The following POMT1 variants were observed in gnomAD, a reference collection of about 807,000 sequenced individuals.
POMT1 encodes the protein protein O-mannosyltransferase 1, also known as protein O-mannosyl-transferase 1.
POMT1 carries 85 observed loss-of-function variants against 101.6 expected under a neutral mutation model. That is an observed-to-expected ratio of 0.84 (90% CI 0.70 to 1.00). POMT1 has a LOEUF of 1.00. Ranked by LOEUF, POMT1 falls within the 50% of genes least tolerant of loss-of-function variation. The pLI, the probability that POMT1 is intolerant of heterozygous loss-of-function variation, is 0.00. For missense variants in POMT1, 857 were observed against 930.4 expected, an observed-to-expected ratio of 0.92 and a Z score of 1.03; for synonymous variants, 371 against 383.0, an observed-to-expected ratio of 0.97 and a Z score of 0.37.
At chr9:131,514,414 C>T (rs1376630441) in intron 12 of POMT1, among the ~76,000 whole-genome samples, 1 of 152,272 alleles carries the variant, frequency 6.6e-6, no homozygotes, top group Non-Finnish European at 1.5e-5. Flanking sequence ...TTGGCTCCCC[C>T]ATGGCCCCTC....
chr9:131,504,328 C>T lies in POMT1; in HGVS notation c.110C>T (p.Pro37Leu), dbSNP rs774268128. Residue 37 changes from proline to leucine, a missense_variant, in exon 2 of 20, where the codon CCG (proline) becomes CTG (leucine). Pro to Leu is a moderately conservative substitution (Grantham distance 98). Transcript: ENST00000402686. Reference protein sequence around the residue: ...LLSRLWRLTYPRAVVFDEVYY... With the variant: ...LLSRLWRLTYLRAVVFDEVYY... The stretch of plus-strand genomic sequence containing the variant: ...AGCCGGCTGTGGCGACTCACCTACC[C>T]GCGGGCTGTGGTGTAAGCTAAATGA... The T allele has an allele frequency of 8.7e-6, 14 of 1,614,208 alleles. No individual in the cohort carries two copies. The highest frequency in any genetic ancestry group is 1.0e-5 in the Non-Finnish European group (12 of 1,180,046).
rs1449103987 is a variant in POMT1, at chr9:131,507,382, G to A, written c.295G>A (p.Val99Met). The A allele has an allele frequency of 1.9e-6, 3 of 1,614,212 alleles. No individual in the cohort carries two copies. The highest frequency in any genetic ancestry group is 1.7e-5 in the Admixed American group (1 of 60,030). Residue 99 changes from valine to methionine, a missense_variant, in exon 5 of 20, where the codon GTG becomes ATG. Transcript: ENST00000402686. ...TGCTTTTCCAGAATACAGTAGCAAC[G>A]TGCCTGTGTGGTCCCTGCGCCTGCT... is the stretch of plus-strand genomic sequence containing the variant. ...NRIGAEYSSN[V>M]PVWSLRLLPA...
chr9:131,518,668 T>C (rs960436271), intron 14 of POMT1, 131 bp downstream of exon 14: 18 of 1,399,048 alleles, frequency 1.3e-5, no homozygotes, highest in Non-Finnish European at 1.7e-5. Flanking sequence ...CCTCTTACAC[T>C]GAGGGAGGGC....
intron 2 of POMT1, 60 bp from the exon 3 acceptor site, chr9:131,506,053 GT>G: frequency 6.2e-7 from 1 of 1,604,374 alleles, no homozygotes; most frequent in Non-Finnish European, 8.5e-7. Flanking sequence ...TATCCTCACA[GT>G]TTTTGTTTAC....
intron 12 of POMT1, among the ~76,000 whole-genome samples, chr9:131,514,731 A>G (rs1014945401): frequency 6.6e-6 from 1 of 152,172 alleles, no homozygotes; most frequent in African/African-American, 2.4e-5. Flanking sequence ...CAAGGTGGGC[A>G]GATCATTTGA....
intron 10 of POMT1, 92 bp from the exon 11 acceptor site, chr9:131,511,949 A>G (rs1947206603): frequency 1.5e-6 from 2 of 1,332,866 alleles, no homozygotes; most frequent in African/African-American, 1.4e-5. Flanking sequence ...GGGCTCAAGC[A>G]GTTATCCTAC....
intron 11 of POMT1, among the ~76,000 whole-genome samples, chr9:131,512,535 C>G (rs1036849501): frequency 2.6e-5 from 4 of 152,210 alleles, no homozygotes; most frequent in African/African-American, 7.2e-5. Flanking sequence ...GTCCCGGTCA[C>G]TGTCTCCTGA....
chr9:131,503,647 C>G lies in POMT1; in HGVS notation c.-30-542C>G, dbSNP rs1945078823. 6.6e-6 allele frequency among the ~76,000 whole-genome samples: 1 copy of G among 152,162 alleles called. No homozygotes were observed. Among genetic ancestry groups the G allele is most frequent in the African/African-American group, 2.4e-5 (1 of 41,448 alleles). Reference sequence around the variant, plus strand: ...AAGCCTGGAGGAGAACGTGGGGGCGCAGGGTGCAAATGCACCCTCCAGGCG... The same window carrying G: ...AAGCCTGGAGGAGAACGTGGGGGCGGAGGGTGCAAATGCACCCTCCAGGCG... On this transcript the variant is annotated intron_variant, in intron 1 of 19. Coordinates refer to ENST00000402686, the MANE Select transcript of POMT1 (RefSeq NM_001077365.2). This position sits in a 1 kb window ranked among gnomAD's most constrained non-coding sequence, Gnocchi z 4.4.
At chr9:131,510,979 TGCTG>T in intron 9 of POMT1, 1 of 271,186 alleles carries the variant, frequency 3.7e-6, no homozygotes, top group South Asian at 4.6e-5. Flanking sequence ...CGACGGCCAG[TGCTG>T]TAGTGCTGTG....
intron 11 of POMT1, among the ~76,000 whole-genome samples, chr9:131,512,417 C>G (rs971636225): frequency 6.6e-6 from 1 of 152,130 alleles, no homozygotes; most frequent in Non-Finnish European, 1.5e-5. Context: ...AAGAACCCCC[C>G]TCCTGCAAAA....
Position 131,518,519 on chromosome 9 carries a change from C to A in POMT1, c.1347C>A (p.Asn449Lys), listed in dbSNP as rs1230206806. The A allele has an allele frequency of 6.2e-7, 1 of 1,613,670 alleles. No individual in the cohort carries two copies. The highest frequency in any genetic ancestry group is 1.1e-5 in the South Asian group (1 of 91,080). ...ILSEVRFVHVNTSAVLKLSGA... is the reference protein window; with the variant it reads ...ILSEVRFVHVKTSAVLKLSGA... ...CAGAGGTCCGCTTTGTGCACGTGAA[C>A]ACTTCCGCTGTCTTAAAGGTAAGGA... The change falls in exon 14 of 20, where the codon AAC becomes AAA. Residue 449 changes from asparagine (N) to lysine (K), a missense_variant. Physicochemically the swap from Asn to Lys is moderately conservative, Grantham distance 94 (BLOSUM62 0). Coordinates refer to ENST00000402686, the MANE Select transcript of POMT1 (RefSeq NM_001077365.2).
chr9:131,508,948 G>A lies in POMT1; in HGVS notation c.465G>A (p.Leu155=). The change falls in exon 6 of 20, where the codon TTG becomes TTA. Residue 155 remains leucine, a synonymous_variant. Transcript: ENST00000402686. The part of the protein sequence containing the change: ...ALITQSRLML[L]ESVLIFFNLL... Reference sequence around the variant, plus strand: ...TCACTCAGTCAAGGCTAATGCTTTTGGAATCAGTGTTAATATTTTTCAATC... The same window carrying A: ...TCACTCAGTCAAGGCTAATGCTTTTAGAATCAGTGTTAATATTTTTCAATC... 1 of 1,613,956 alleles carries A rather than the reference G, an allele frequency of 6.2e-7. No individual in the cohort carries two copies. The highest frequency in any genetic ancestry group is 1.1e-5 in the South Asian group (1 of 91,078).
chr9:131,508,765 T>C (rs1294284708), intron 5 of POMT1, 146 bp from the exon 6 acceptor site: 3 of 679,284 alleles, frequency 4.4e-6, no homozygotes, highest in Non-Finnish European at 8.0e-6. Flanking sequence ...TATGAGGCCT[T>C]GTGTCTATAG....
In POMT1 at chr9:131,522,357, G is replaced by A; in HGVS notation, c.2003+133G>A. On this transcript the variant is annotated intron_variant, in intron 19 of 19. Transcript: ENST00000402686. This position sits in a 1 kb window ranked among gnomAD's most constrained non-coding sequence, Gnocchi z 5.5. The stretch of plus-strand genomic sequence containing the variant: ...CACTGACATCCTCCGGGTCCCTCCG[G>A]GGAATGGGTGAGGTTCAGAAGAGAT... 4 of 1,500,434 alleles carry A rather than the reference G, an allele frequency of 2.7e-6. No homozygotes were observed. Among genetic ancestry groups the A allele is most frequent in the Non-Finnish European group, 3.6e-6 (4 of 1,122,682 alleles). The allele number at this position is 1,500,434 out of a possible 1,614,324, so 92.9% of individuals were successfully genotyped here.
rs58441454 is a variant in POMT1 at position 131,504,837 on chromosome 9, G to A, written c.122+497G>A. 3.8e-3 allele frequency among the ~76,000 whole-genome samples: 577 copies of A among 150,854 alleles called. 3 individuals carry two copies. Among genetic ancestry groups the A allele is most frequent in the African/African-American group, 0.013 (550 of 41,066 alleles). ...TGTGTCGCCCAGGTTGGAGTGCAGT[G>A]GTGCCATCTCGGCTCACTGCAACCT... is the stretch of plus-strand genomic sequence containing the variant. On this transcript the variant is annotated intron_variant, in intron 2 of 19. Transcript: ENST00000402686.
intron 17 of POMT1, chr9:131,521,006 T>A (rs1283802986): frequency 1.4e-5 from 5 of 355,732 alleles, no homozygotes; most frequent in Non-Finnish European, 2.8e-5. Context: ...AATGCCCAGC[T>A]AATTTTTGTA....
intron 11 of POMT1, among the ~76,000 whole-genome samples, chr9:131,512,739 G>A (rs180808825): frequency 8.1e-4 from 123 of 152,230 alleles, no homozygotes; most frequent in Non-Finnish European, 1.5e-3. Flanking sequence ...AGCCTCCCGA[G>A]TAGATAAGAT....
At chr9:131,508,854 C>T in intron 5 of POMT1, 57 bp from the exon 6 acceptor site, 5 of 1,229,352 alleles carry the variant, frequency 4.1e-6, no homozygotes, top group Non-Finnish European at 6.0e-6. Context: ...TGTTTTTCAT[C>T]CTCATACGTT....
chr9:131,515,581 G>A (rs371051527), intron 13 of POMT1, 59 bp downstream of exon 13: 14 of 1,512,212 alleles, frequency 9.3e-6, no homozygotes, highest in African/African-American at 8.3e-5. Context: ...TCCCTCACAC[G>A]GAGCACTTCC....
Sources: gnomAD v4.1 joint callset for allele counts (sites outside exome capture counted in the v4.1 genomes callset) on GRCh38, gnomAD v4.1.1 for gene constraint, Gnocchi (gnomAD v3.1) non-coding constraint, MANE v1.5 for transcripts, NCBI Gene and HGNC (gene_info 2026-07-23, HGNC 2026-07-21) for gene names.